REDIC1: variants seen among roughly 807,000 people sequenced by gnomAD.
The protein encoded by REDIC1 is regulator of DNA class I crossover intermediates 1.
the REDIC1 span, among the ~76,000 whole-genome samples, chr12:39,842,927 T>C: frequency 6.6e-5 from 10 of 152,192 alleles, no homozygotes; most frequent in African/African-American, 2.2e-4. Context: ...AGCCATATTA[T>C]AGCATTTGTC....
At chr12:39,676,929 A>G in the REDIC1 span, among the ~76,000 whole-genome samples, 2 of 152,122 alleles carry the variant, frequency 1.3e-5, no homozygotes, top group Non-Finnish European at 2.9e-5. Context: ...AGCCAGCACT[A>G]CAAGAAATGC....
chr12:39,748,343 AG>A, the REDIC1 span, among the ~76,000 whole-genome samples: 1 of 152,332 alleles, frequency 6.6e-6, no homozygotes, highest in South Asian at 2.1e-4. Flanking sequence ...ATAATGGTAA[AG>A]GGATCAATTC....
chr12:39,656,290 A>G, the REDIC1 span, among the ~76,000 whole-genome samples: 4 of 152,192 alleles, frequency 2.6e-5, no homozygotes, highest in African/African-American at 9.7e-5. Flanking sequence ...ACAATGTTTC[A>G]GTCAACAATG....
chr12:39,714,191 GTATATA>G, the REDIC1 span, among the ~76,000 whole-genome samples: 1 of 12,390 alleles, frequency 8.1e-5, no homozygotes, highest in Non-Finnish European at 3.5e-4. Flanking sequence ...ATGCATATAT[GTATATA>G]TGTATATACA....
the REDIC1 span, among the ~76,000 whole-genome samples, chr12:39,699,138 A>G: frequency 6.6e-6 from 1 of 152,380 alleles, no homozygotes; most frequent in Admixed American, 6.5e-5. Context: ...TCAGAGGCCC[A>G]GCGTGAGCGA....
the REDIC1 span, among the ~76,000 whole-genome samples, chr12:39,834,603 C>G: frequency 3.3e-5 from 5 of 151,976 alleles, no homozygotes; most frequent in Non-Finnish European, 7.4e-5. Flanking sequence ...CCATTTCGTT[C>G]AGGGAAAGGA....
chr12:39,859,334 A>ATTT, the REDIC1 span, among the ~76,000 whole-genome samples: 2 of 18,698 alleles, frequency 1.1e-4, no homozygotes, highest in African/African-American at 3.7e-4. Flanking sequence ...TTTTTTTCTG[A>ATTT]AAAAAAAAAA....
chr12:39,716,761 G>C, the REDIC1 span: 2 of 1,597,676 alleles, frequency 1.3e-6, no homozygotes, highest in Non-Finnish European at 1.7e-6. Flanking sequence ...TTCAGCTCTT[G>C]ATTCTGCACA....
At chr12:39,799,932 G>C in the REDIC1 span, among the ~76,000 whole-genome samples, 2 of 152,200 alleles carry the variant, frequency 1.3e-5, no homozygotes, top group South Asian at 4.1e-4. Context: ...AGAATCCTTA[G>C]AGTAAGAAGT....
At chr12:39,702,261 G>T in the REDIC1 span, among the ~76,000 whole-genome samples, 1 of 152,060 alleles carries the variant, frequency 6.6e-6, no homozygotes, top group South Asian at 2.1e-4. Flanking sequence ...TATCACCACC[G>T]ATCCCACAGA....
the REDIC1 span, among the ~76,000 whole-genome samples, chr12:39,789,210 A>G: frequency 6.6e-6 from 1 of 152,124 alleles, no homozygotes; most frequent in Non-Finnish European, 1.5e-5. Flanking sequence ...TGTGTTATTT[A>G]TATCCTTGTT....
chr12:39,680,025 A>C, the REDIC1 span, among the ~76,000 whole-genome samples: 1 of 152,198 alleles, frequency 6.6e-6, no homozygotes, highest in Non-Finnish European at 1.5e-5. Flanking sequence ...TGAAGCCATA[A>C]AAATTCTAGA....
At chr12:39,646,393 T>C in the REDIC1 span, 3 of 1,464,440 alleles carry the variant, frequency 2.0e-6, no homozygotes, top group Non-Finnish European at 2.7e-6. Flanking sequence ...TAAGAAAGCA[T>C]AATTTAGAAC....
chr12:39,638,965 ACTGAGCTC>A, the REDIC1 span, among the ~76,000 whole-genome samples: 1 of 151,998 alleles, frequency 6.6e-6, no homozygotes, highest in Non-Finnish European at 1.5e-5. Context: ...TCTTAATTTT[ACTGAGCTC>A]TATAACATGG....
the REDIC1 span, among the ~76,000 whole-genome samples, chr12:39,825,289 G>A: frequency 6.6e-6 from 1 of 152,094 alleles, no homozygotes; most frequent in African/African-American, 2.4e-5. Context: ...AGGTAGGGAG[G>A]CGGATAAATA....
the REDIC1 span, among the ~76,000 whole-genome samples, chr12:39,805,894 GCAGGATTTGCTTAGTTTCA>G: frequency 6.6e-6 from 1 of 152,142 alleles, no homozygotes; most frequent in African/African-American, 2.4e-5. Flanking sequence ...AAAGCTGTGG[GCAGGATTTGCTTAGTTTCA>G]CAGGTAATTG....
At chr12:39,669,689 G>C in the REDIC1 span, among the ~76,000 whole-genome samples, 1 of 152,202 alleles carries the variant, frequency 6.6e-6, no homozygotes, top group East Asian at 1.9e-4. Flanking sequence ...CTTGAGCTGC[G>C]GTGGGCTCCA....
the REDIC1 span, among the ~76,000 whole-genome samples, chr12:39,905,770 C>T: frequency 6.8e-6 from 1 of 146,368 alleles, no homozygotes; most frequent in Non-Finnish European, 1.5e-5. Flanking sequence ...AAAAGTCTGC[C>T]ACAAATTGAA....
At chr12:39,772,320 G>A in the REDIC1 span, among the ~76,000 whole-genome samples, 1 of 152,058 alleles carries the variant, frequency 6.6e-6, no homozygotes, top group Non-Finnish European at 1.5e-5. Flanking sequence ...AGTCCATATA[G>A]GGTTGTTACA....
Sources: gnomAD v4.1 joint callset for allele counts (sites outside exome capture counted in the v4.1 genomes callset) on GRCh38, gnomAD v4.1.1 for gene constraint, MANE v1.5 for transcripts, NCBI Gene and HGNC (gene_info 2026-07-23, HGNC 2026-07-21) for gene names.